Variants in SLC35F4 observed in about 807,000 individuals in gnomAD.
SLC35F4 encodes chromosome 14 open reading frame 36.
Under a neutral mutation model 44.2 loss-of-function variants are expected in SLC35F4, and 24 were observed. The observed-to-expected ratio is 0.54, with a 90% confidence interval of 0.39 to 0.76. SLC35F4 has a LOEUF of 0.76. SLC35F4 is among the 30% of genes least tolerant of loss of function. The pLI is 0.00. For synonymous variants in SLC35F4, 238 were observed against 223.6 expected, an observed-to-expected ratio of 1.06 and a Z score of -0.57; for missense variants, 562 against 586.1, an observed-to-expected ratio of 0.96 and a Z score of 0.42.
intron 1 of SLC35F4, among the ~76,000 whole-genome samples, chr14:57,616,267 C>T (rs1356925007): frequency 1.3e-5 from 2 of 152,122 alleles, no homozygotes; most frequent in Non-Finnish European, 2.9e-5. Context: ...ACAGAATTCT[C>T]ATAACATATA....
In SLC35F4 at chr14:57,698,936, T is replaced by C. The variant is rs144461254; in HGVS notation, c.104-104812A>G. On this transcript the variant is annotated intron_variant, in intron 1 of 7. Transcript: ENST00000556826. ...ACACCATGCCTGGCCATGAACATGT[T>C]ACTTTTATAAATGAATCCCAGAAGG... 3.1e-3 allele frequency among the ~76,000 whole-genome samples: 467 copies of C among 152,290 alleles called. 5 individuals are homozygous for C. The highest frequency in any genetic ancestry group is 0.011 in the African/African-American group (455 of 41,560).
chr14:57,878,795 C>T (rs1245824284), intron 1 of SLC35F4, among the ~76,000 whole-genome samples: 3 of 152,108 alleles, frequency 2.0e-5, no homozygotes, highest in Admixed American at 2.0e-4. Context: ...ACAGAGTAGG[C>T]ACTTCATAGA....
Position 57,981,142 on chromosome 14 carries a change from A to T in SLC35F4, n.151+771T>A, listed in dbSNP as rs920793285. 5.3e-5 allele frequency among the ~76,000 whole-genome samples: 8 copies of T among 152,218 alleles called. No homozygotes were observed. The East Asian group carries it at 1.5e-3, about 29-fold the overall frequency. Reference sequence around the variant, plus strand: ...CCGGGCACTTGGGAACACCAGCGACACCTTGTAGCAGCAAAAATGTCGCTG... The same window carrying T: ...CCGGGCACTTGGGAACACCAGCGACTCCTTGTAGCAGCAAAAATGTCGCTG... On this transcript the variant is annotated intron_variant and non_coding_transcript_variant, in intron 1 of 1. Transcript: ENST00000554648.
At chr14:57,898,179 A>G (rs1888924917) in intron 1 of SLC35F4, among the ~76,000 whole-genome samples, 1 of 152,228 alleles carries the variant, frequency 6.6e-6, no homozygotes, top group African/African-American at 2.4e-5. Context: ...GACTAGCAAA[A>G]CAAGATTAGT....
At chr14:57,647,727 G>A (rs1191037315) in intron 1 of SLC35F4, among the ~76,000 whole-genome samples, 1 of 152,110 alleles carries the variant, frequency 6.6e-6, no homozygotes, top group East Asian at 1.9e-4. Context: ...ATAAAATGCA[G>A]TTTTAGAAAT....
Position 57,583,741 on chromosome 14 carries a change from A to G in SLC35F4, c.588-2308T>C, listed in dbSNP as rs573388948. On this transcript the variant is annotated intron_variant, in intron 3 of 7. Coordinates refer to ENST00000556826, the MANE Select transcript of SLC35F4 (RefSeq NM_001306087.2). Reference sequence around the variant, plus strand: ...CCCCTTTGTTACTGTTGTTGTAGAAATTAAAAATGCTCTCCATCTAAATGC... The same window carrying G: ...CCCCTTTGTTACTGTTGTTGTAGAAGTTAAAAATGCTCTCCATCTAAATGC... 5.9e-5 allele frequency among the ~76,000 whole-genome samples: 9 copies of G among 152,276 alleles called. No individual in the cohort carries two copies. The East Asian group carries it at 1.4e-3, about 23-fold the overall frequency.
intron 1 of SLC35F4, among the ~76,000 whole-genome samples, chr14:57,727,771 G>C (rs1230491261): frequency 6.6e-6 from 1 of 152,118 alleles, no homozygotes; most frequent in African/African-American, 2.4e-5. Flanking sequence ...TCATTTTTCT[G>C]AATGTTTTAA....
downstream of SLC35F4, among the ~76,000 whole-genome samples, chr14:57,972,582 GAATC>G (rs1881086379): frequency 6.6e-6 from 1 of 151,880 alleles, no homozygotes; most frequent in South Asian, 2.1e-4. Flanking sequence ...TTATAGAAAA[GAATC>G]AGAGGCTCAA....
chr14:57,919,716 C>T (rs1417427056), intron 1 of SLC35F4, among the ~76,000 whole-genome samples: 1 of 152,130 alleles, frequency 6.6e-6, no homozygotes, highest in African/African-American at 2.4e-5. Flanking sequence ...AAATAACAGA[C>T]AGCCGGGATG....
chr14:57,746,224 AAAGTAT>A (rs1415377718), intron 1 of SLC35F4, among the ~76,000 whole-genome samples: 1 of 152,086 alleles, frequency 6.6e-6, no homozygotes, highest in Non-Finnish European at 1.5e-5. Flanking sequence ...CCCAGAGCTT[AAAGTAT>A]AATTAAAAAA....
Position 57,626,471 on chromosome 14 carries a change from T to G in SLC35F4, c.104-32347A>C, listed in dbSNP as rs953903774. Among the ~76,000 whole-genome samples the G allele has an allele frequency of 6.3e-4, 96 of 152,262 alleles. 1 individual carries two copies. The highest frequency in any genetic ancestry group is 1.1e-3 in the Non-Finnish European group (73 of 68,012). ...TGTATGTGCTCTGATAGGAGCTCTTTATCTGGGGTCCAGGGACATCTGGGG... is the reference window on the plus strand; with the variant it reads ...TGTATGTGCTCTGATAGGAGCTCTTGATCTGGGGTCCAGGGACATCTGGGG... On this transcript the variant is annotated intron_variant, in intron 1 of 7. Transcript: ENST00000556826.
intron 1 of SLC35F4, among the ~76,000 whole-genome samples, chr14:57,783,988 A>C (rs1429453277): frequency 6.6e-6 from 1 of 152,262 alleles, no homozygotes; most frequent in East Asian, 1.9e-4. Context: ...AGCTCAAAAC[A>C]ATAAATTCCT....
intron 1 of SLC35F4, among the ~76,000 whole-genome samples, chr14:57,920,086 C>T (rs1267583436): frequency 3.3e-5 from 5 of 152,108 alleles, no homozygotes; most frequent in Non-Finnish European, 5.9e-5. Context: ...CACGTTGTTT[C>T]CTTATCTTCA....
intron 1 of SLC35F4, among the ~76,000 whole-genome samples, chr14:57,735,762 A>G (rs2076448778): frequency 6.6e-6 from 1 of 150,726 alleles, no homozygotes; most frequent in Admixed American, 6.6e-5. Flanking sequence ...TCACTCTATC[A>G]CTCAGGCTGA....
intron 1 of SLC35F4, among the ~76,000 whole-genome samples, chr14:57,782,379 CA>C (rs76733800): frequency 1.4e-4 from 19 of 138,748 alleles, no homozygotes; most frequent in Admixed American, 2.9e-4. Flanking sequence ...CTAGAAATAT[CA>C]AAAAAAAAAG....
chr14:57,899,886 AG>A (rs1417524068), intron 1 of SLC35F4, among the ~76,000 whole-genome samples: 1 of 152,106 alleles, frequency 6.6e-6, no homozygotes, highest in Non-Finnish European at 1.5e-5. Flanking sequence ...AGTGGTAGAA[AG>A]GTTTATTGTG....
At chr14:57,913,679 G>A (rs944140348) in intron 1 of SLC35F4, among the ~76,000 whole-genome samples, 9 of 151,688 alleles carry the variant, frequency 5.9e-5, no homozygotes, top group African/African-American at 2.2e-4. Context: ...ATACATAATC[G>A]AGTACACTGC....
intron 3 of SLC35F4, among the ~76,000 whole-genome samples, chr14:57,585,433 A>G (rs1206099864): frequency 6.6e-6 from 1 of 152,234 alleles, no homozygotes; most frequent in African/African-American, 2.4e-5. Context: ...AACCGGTCCA[A>G]GAAAAGGATG....
chr14:57,926,594 A>G (rs1314433197), intron 1 of SLC35F4, among the ~76,000 whole-genome samples: 2 of 152,096 alleles, frequency 1.3e-5, no homozygotes, highest in Non-Finnish European at 2.9e-5. Context: ...ACTGCTTTTC[A>G]TGGTCTTGCA....
Sources: gnomAD v4.1 joint callset for allele counts (sites outside exome capture counted in the v4.1 genomes callset) on GRCh38, gnomAD v4.1.1 for gene constraint, MANE v1.5 for transcripts, NCBI Gene and HGNC (gene_info 2026-07-23, HGNC 2026-07-21) for gene names.